INTS11: variants seen among roughly 807,000 people sequenced by gnomAD.
INTS11 encodes the protein CPSF3-like protein.
Under a neutral mutation model 78.6 loss-of-function variants are expected in INTS11, and 77 were observed. The observed-to-expected ratio is 0.98, with a 90% CI of 0.81 to 1.18. The LOEUF (loss-of-function observed/expected upper bound fraction) is 1.18. Ranked by LOEUF, INTS11 falls within the 50% of genes most tolerant of loss-of-function variation. The probability of loss-of-function intolerance (pLI) is 0.00; values close to 1 mark genes in which losing one functional copy is unlikely to be tolerated. For synonymous variants in INTS11, 441 were observed against 326.9 expected (o/e 1.35, Z -3.77); for missense variants, 875 against 825.9 (o/e 1.06, Z -0.73).
intron 3 of INTS11, chr1:1,319,852 G>A: frequency 3.0e-6 from 1 of 333,152 alleles, no homozygotes; most frequent in Admixed American, 4.6e-5. Context: ...AGCTGCAGGT[G>A]AAGGTGGCAC....
rs1642317506 is a variant in INTS11 at position 1,312,897 on chromosome 1, G to C, written c.1184C>G (p.Ala395Gly). 3 of 1,612,468 alleles carry C rather than the reference G, an allele frequency of 1.9e-6. No individual in the cohort carries two copies. The highest frequency in any genetic ancestry group is 1.3e-5 in the African/African-American group (1 of 74,948). The change falls in exon 12 of 17, where the codon GCC (alanine) becomes GGC (glycine). Residue 395 changes from alanine (A) to glycine (G), a missense_variant. Transcript: ENST00000435064. ...GCCCACCAGCTGCATGATGCCCTTG[G>C]CGTCCGCGTGTGCGCTGAATGACAT... ...EYMSFSAHADAKGIMQLVGQA... is the reference protein window; with the variant it reads ...EYMSFSAHADGKGIMQLVGQA...
At chr1:1,316,595 T>G (rs1642623730) in intron 4 of INTS11, 1 of 150,926 alleles carries the variant, frequency 6.6e-6, no homozygotes, top group Non-Finnish European at 1.5e-5. Flanking sequence ...AAACAAAAAT[T>G]GGCAAAAAAC....
intron 10 of INTS11, 131 bp from the exon 11 acceptor site, chr1:1,313,255 G>A: frequency 2.7e-6 from 3 of 1,103,544 alleles, no homozygotes; most frequent in Non-Finnish European, 3.9e-6. Flanking sequence ...AAGCCTAGCT[G>A]CAGACTCCAA....
At chr1:1,318,614 C>CA (rs1642753824) in intron 4 of INTS11, 1 of 365,658 alleles carries the variant, frequency 2.7e-6, no homozygotes, top group Admixed American at 4.6e-5. Context: ...GCCAAGATCA[C>CA]ACTCCAGCCT....
chr1:1,312,359 G>C lies in INTS11; in HGVS notation c.1474C>G (p.Leu492Val), dbSNP rs754736013. ...TLIMKDSNFRLVSSEQALKEL... is the reference protein window; with the variant it reads ...TLIMKDSNFRVVSSEQALKEL... ...TTGAGGGCTTGCTCTGAGGACACCA[G>C]CCGGAAGTTCTGTGGGGCAGGGACA... Residue 492 changes from leucine to valine, a missense_variant, in exon 15 of 17, where the codon CTG (leucine) becomes GTG (valine). Transcript: ENST00000435064. 5.1e-6 allele frequency: 8 copies of C among 1,565,080 alleles called. No homozygotes were observed. The highest frequency in any genetic ancestry group is 6.9e-6 in the Non-Finnish European group (8 of 1,154,450).
chr1:1,312,911 G>C lies in INTS11; in HGVS notation c.1170C>G (p.Ser390Arg). The C allele has an allele frequency of 6.2e-7, 1 of 1,612,414 alleles. No homozygotes were observed. Among genetic ancestry groups the C allele is most frequent in the South Asian group, 1.1e-5 (1 of 91,074 alleles). ...TGATGCCCTTGGCGTCCGCGTGTGC[G>C]CTGAATGACATGTACTCCACCTGCA... ...VKMQVEYMSF[S>R]AHADAKGIMQ... The change falls in exon 12 of 17, where the codon AGC becomes AGG. Residue 390 changes from serine (S) to arginine (R), a missense_variant. By Grantham distance (110) the Ser-to-Arg change is moderately radical. Coordinates refer to ENST00000435064, the MANE Select transcript of INTS11 (RefSeq NM_017871.6).
rs376193505 is a variant in INTS11, at chr1:1,313,134, G to A, written c.1042-10C>T. The A allele has an allele frequency of 6.2e-7, 1 of 1,603,352 alleles. No individual in the cohort carries two copies. Among genetic ancestry groups the A allele is most frequent in the Non-Finnish European group, 8.5e-7 (1 of 1,178,340 alleles). On this transcript the variant is annotated splice_polypyrimidine_tract_variant and intron_variant, in intron 10 of 16. Coordinates refer to ENST00000435064, the MANE Select transcript of INTS11 (RefSeq NM_017871.6). Reference sequence around the variant, plus strand: ...AGCCGGGCATGATGACCTGGGGGCAGGCACAGAGCTCACAGCCAGGGAACT... The same window carrying A: ...AGCCGGGCATGATGACCTGGGGGCAAGCACAGAGCTCACAGCCAGGGAACT...
At chr1:1,313,359 A>T in intron 10 of INTS11, 150 bp downstream of exon 10, 1 of 945,424 alleles carries the variant, frequency 1.1e-6, no homozygotes, top group Admixed American at 2.1e-5. Flanking sequence ...GAGCAGCTCC[A>T]GGCGGACATC....
chr1:1,312,271 C>G lies in INTS11; in HGVS notation c.1562G>C (p.Arg521Pro), dbSNP rs1642247995. 3 of 1,549,234 alleles carry G rather than the reference C, an allele frequency of 1.9e-6. No individual in the cohort carries two copies. The highest frequency in any genetic ancestry group is 2.4e-5 in the East Asian group (1 of 41,258). The change falls in exon 15 of 17, where the codon CGC becomes CCC. Residue 521 changes from arginine to proline, a missense_variant. Coordinates refer to ENST00000435064, the MANE Select transcript of INTS11 (RefSeq NM_017871.6). The stretch of plus-strand genomic sequence containing the variant: ...GCGCAATGCCGTCTCCTGCTCCTTG[C>G]GTGTGTCATGCAGGTGCACGCGGCA... ...FTCRVHLHDT[R>P]KEQETALRVY...
In INTS11 at chr1:1,321,090, G is replaced by A. The variant is rs1325699635; in HGVS notation, c.32C>T (p.Ala11Val). The A allele has an allele frequency of 3.1e-6, 5 of 1,609,514 alleles. No individual in the cohort carries two copies. In the East Asian group the frequency reaches 6.7e-5, roughly 22 times the overall value. ...GCAGCTTCGGCCCACGTCCTGGCCG[G>A]CCCCTACTCGAGGGAGGGCAGATGA... MPEIRVTPLG[A>V]GQDVGRSCIL... The change falls in exon 2 of 17, where the codon GCC becomes GTC. Residue 11 changes from alanine to valine, a missense_variant. Ala to Val is a moderately conservative substitution (Grantham distance 64). Transcript: ENST00000435064.
intron 3 of INTS11, 109 bp downstream of exon 3, chr1:1,320,347 G>A: frequency 9.9e-7 from 1 of 1,007,638 alleles, no homozygotes; most frequent in African/African-American, 1.6e-5. Context: ...GCCCCCTGAG[G>A]ATCAAGGATG....
chr1:1,314,918 T>C lies in INTS11; in HGVS notation c.608A>G (p.Glu203Gly), dbSNP rs1642485509. Residue 203 changes from glutamate (E) to glycine (G), a missense_variant, in exon 7 of 17, where the codon GAG (glutamate) becomes GGG (glycine). Transcript: ENST00000435064. This position sits in a 1 kb window ranked among gnomAD's most constrained non-coding sequence, Gnocchi z 4.2. ...ACGGATGGTCGTGGCGTACGTGGAC[T>C]CTGTGATGAGCAGGTTGGGGCGGCA... ...DKCRPNLLITESTYATTIRDS... is the reference protein window; with the variant it reads ...DKCRPNLLITGSTYATTIRDS... The C allele has an allele frequency of 1.9e-6, 3 of 1,612,992 alleles. No homozygotes were observed. Among genetic ancestry groups the C allele is most frequent in the Non-Finnish European group, 2.5e-6 (3 of 1,179,880 alleles).
intron 3 of INTS11, 181 bp downstream of exon 3, chr1:1,320,275 C>CA: frequency 3.2e-6 from 2 of 632,484 alleles, no homozygotes; most frequent in Non-Finnish European, 2.8e-6. Flanking sequence ...GAAGAACAGA[C>CA]AGAGACCAGG....
intron 4 of INTS11, chr1:1,318,932 G>A (rs1473784403): frequency 2.8e-6 from 2 of 716,654 alleles, no homozygotes; most frequent in East Asian, 5.4e-5. Context: ...TCCAGCCCCT[G>A]CCTCCCTGCC....
At chr1:1,318,326 C>A (rs559368073) in intron 4 of INTS11, among the ~76,000 whole-genome samples, 1 of 152,166 alleles carries the variant, frequency 6.6e-6, no homozygotes, top group South Asian at 2.1e-4. Flanking sequence ...GTTGGTGTTA[C>A]CAGGCATTAG....
At chr1:1,313,402 C>A in intron 10 of INTS11, 107 bp downstream of exon 10, 1 of 1,315,948 alleles carries the variant, frequency 7.6e-7, no homozygotes, top group Non-Finnish European at 1.1e-6. Context: ...AGCCACGTCC[C>A]TTGGCCAGCA....
chr1:1,313,938 C>T lies in INTS11; in HGVS notation c.768-17G>A, dbSNP rs1642411103. On this transcript the variant is annotated splice_polypyrimidine_tract_variant and intron_variant, in intron 8 of 16. Coordinates refer to ENST00000435064, the MANE Select transcript of INTS11 (RefSeq NM_017871.6). ...ATGCGCTCCCTGGGGACCACCGGCC[C>T]AGTCAGCACAGTGGCCACAGGGGAG... 1.2e-6 allele frequency: 2 copies of T among 1,606,518 alleles called. No homozygotes were observed. Among genetic ancestry groups the T allele is most frequent in the South Asian group, 1.1e-5 (1 of 90,810 alleles).
chr1:1,314,091 G>A lies in INTS11; in HGVS notation c.768-170C>T. ...AGCCCTGCAGCAGCCGGGCTCAGCG[G>A]AGAACCAGGAACCCCTACAAGAGCC... On this transcript the variant is annotated intron_variant, in intron 8 of 16. Transcript: ENST00000435064. The surrounding 1 kb of genome is among the most constrained non-coding windows in gnomAD (Gnocchi z 4.2). 1.3e-6 allele frequency: 1 copy of A among 783,782 alleles called. No homozygotes were observed. Among genetic ancestry groups the A allele is most frequent in the Middle Eastern group, 3.5e-4 (1 of 2,896 alleles). The allele number at this position is 783,782 out of a possible 1,614,324, so 48.6% of individuals were successfully genotyped here. A position where few individuals can be genotyped will look rare whatever the true frequency, so the allele number is the denominator to read the frequency against.
intron 4 of INTS11, chr1:1,317,557 T>G (rs2100605764): frequency 1.9e-6 from 1 of 515,948 alleles, no homozygotes; most frequent in Non-Finnish European, 2.5e-6. Context: ...AACGTCAGGC[T>G]CTCGGGGTCC....
Sources: allele counts gnomAD v4.1 joint callset (sites outside exome capture counted in the v4.1 genomes callset), GRCh38; gene constraint gnomAD v4.1.1; non-coding constraint Gnocchi (gnomAD v3.1); transcripts MANE v1.5; gene names NCBI Gene and HGNC (gene_info 2026-07-23, HGNC 2026-07-21).